ESCO2: variants seen among roughly 807,000 people sequenced by gnomAD.
The protein encoded by ESCO2 is establishment of sister chromatid cohesion N-acetyltransferase 2.
In ESCO2, 51 loss-of-function variants were observed where a neutral mutation model predicts 61.7. The observed-to-expected ratio is 0.83, with a 90% CI of 0.66 to 1.04. The LOEUF is 1.04. ESCO2 is among the 50% of genes least tolerant of loss of function. ESCO2 has a pLI of 0.00. For synonymous variants in ESCO2, 230 were observed against 238.2 expected, an observed-to-expected ratio of 0.97 and a Z score of 0.32; for missense variants, 692 against 686.2, an observed-to-expected ratio of 1.01 and a Z score of -0.09.
At chr8:27,799,813 A>C in intron 10 of ESCO2, 97 bp downstream of exon 10, 4 of 1,368,670 alleles carry the variant, frequency 2.9e-6, no homozygotes, top group Non-Finnish European at 4.2e-6. Flanking sequence ...TTGGTAAGAT[A>C]CTTCAGTATA....
At chr8:27,803,195 C>T in intron 10 of ESCO2, 111 bp from the exon 11 acceptor site, 1 of 940,674 alleles carries the variant, frequency 1.1e-6, no homozygotes, top group Non-Finnish European at 1.7e-6. Flanking sequence ...CATTTTTTCA[C>T]TTACTAAAAA....
At chr8:27,781,183 T>A (rs1804920437) in intron 4 of ESCO2, among the ~76,000 whole-genome samples, 2 of 152,218 alleles carry the variant, frequency 1.3e-5, no homozygotes, top group Non-Finnish European at 2.9e-5. Context: ...GTTTATCATT[T>A]AATTCTCCCT....
intron 4 of ESCO2, 77 bp from the exon 5 acceptor site, chr8:27,783,923 T>G: frequency 7.6e-7 from 1 of 1,310,590 alleles, no homozygotes; most frequent in Non-Finnish European, 1.1e-6. Context: ...TTTTGTCTTA[T>G]TAACCTTTGA....
rs78885892 is a variant in ESCO2, at chr8:27,787,586, C to T, written c.1014-299C>T. On this transcript the variant is annotated intron_variant, in intron 5 of 10. Transcript: ENST00000305188. Reference sequence around the variant, plus strand: ...TTTTTTTAAAGGGCAAAGTCAATTTCCAAAGTGTGCATCTATGTGCATCTG... The same window carrying T: ...TTTTTTTAAAGGGCAAAGTCAATTTTCAAAGTGTGCATCTATGTGCATCTG... Among the ~76,000 whole-genome samples, 25 of 152,226 alleles carry T rather than the reference C, an allele frequency of 1.6e-4. No individual in the cohort carries two copies. In the East Asian group the frequency reaches 4.8e-3, roughly 29 times the overall value.
intron 10 of ESCO2, among the ~76,000 whole-genome samples, chr8:27,800,288 A>C (rs1805395737): frequency 6.6e-6 from 1 of 152,230 alleles, no homozygotes; most frequent in Non-Finnish European, 1.5e-5. Flanking sequence ...TAACACAATA[A>C]AAAGACAACC....
At chr8:27,816,363 T>TTA (rs1805813468), downstream of ESCO2, among the ~76,000 whole-genome samples, 2 of 122,772 alleles carry the variant, frequency 1.6e-5, no homozygotes, top group South Asian at 2.6e-4. Context: ...ATATATTTAT[T>TTA]TATTTATTTA....
chr8:27,781,253 C>CT (rs776509734), intron 4 of ESCO2, among the ~76,000 whole-genome samples: 1 of 151,320 alleles, frequency 6.6e-6, no homozygotes, highest in Non-Finnish European at 1.5e-5. Context: ...GGTTAAGTAA[C>CT]TTACCAATAG....
At chr8:27,808,299 G>C (rs764941442), downstream of ESCO2, 8 of 901,296 alleles carry the variant, frequency 8.9e-6, no homozygotes, top group Non-Finnish European at 1.2e-5. Flanking sequence ...CAAGCTCCTG[G>C]AGGCTTCTAC....
chr8:27,794,649 T>G (rs1352126379), intron 9 of ESCO2, among the ~76,000 whole-genome samples: 5 of 152,214 alleles, frequency 3.3e-5, no homozygotes, highest in Admixed American at 3.3e-4. Context: ...AAAAAATTAT[T>G]GCCCAGACCG....
At chr8:27,777,394 T>G in intron 3 of ESCO2, 1 of 328,926 alleles carries the variant, frequency 3.0e-6, no homozygotes, top group Non-Finnish European at 5.5e-6. Flanking sequence ...CTCAACCTCC[T>G]AGGCTCAAGC....
In ESCO2 at chr8:27,788,066, G is replaced by C. The variant is rs1443011446; in HGVS notation, c.1131+64G>C. 6 of 1,106,910 alleles carry C rather than the reference G, an allele frequency of 5.4e-6. No homozygotes were observed. In the East Asian group the frequency reaches 9.4e-5, roughly 17 times the overall value. 68.6% of individuals were successfully genotyped at this position (1,106,910 alleles called of 1,614,324 possible). On this transcript the variant is annotated intron_variant, in intron 6 of 10. Transcript: ENST00000305188. The stretch of plus-strand genomic sequence containing the variant: ...TTTGCAGAAAAGCTTGCCAACCCCT[G>C]TATTAGACAGTTCAGAACTTGGTAT...
At chr8:27,816,582 T>C (rs549497421), downstream of ESCO2, among the ~76,000 whole-genome samples, 60 of 151,904 alleles carry the variant, frequency 3.9e-4, no homozygotes, top group Admixed American at 3.9e-3. Flanking sequence ...TTCACTGTGT[T>C]AGCCAGGATG....
At chr8:27,776,306 T>C in intron 2 of ESCO2, 56 bp from the exon 3 acceptor site, 1 of 1,431,880 alleles carries the variant, frequency 7.0e-7, no homozygotes, top group Non-Finnish European at 9.6e-7. Context: ...AGCAGTAGAT[T>C]TATGTAAATT....
At chr8:27,775,791 G>GT (rs1804776609) in intron 2 of ESCO2, among the ~76,000 whole-genome samples, 1 of 152,150 alleles carries the variant, frequency 6.6e-6, no homozygotes, top group East Asian at 1.9e-4. Context: ...TTTAGTTTTT[G>GT]TTTTTTTCTT....
downstream of ESCO2, among the ~76,000 whole-genome samples, chr8:27,809,159 C>A (rs1805620420): frequency 6.6e-6 from 1 of 152,108 alleles, no homozygotes; most frequent in South Asian, 2.1e-4. Flanking sequence ...TGACACATGT[C>A]AGAGTGAGGA....
At chr8:27,808,847 G>C (rs1805615723), downstream of ESCO2, among the ~76,000 whole-genome samples, 1 of 152,174 alleles carries the variant, frequency 6.6e-6, no homozygotes, top group Non-Finnish European at 1.5e-5. Context: ...ATCTTGTGTT[G>C]AGGATTTCTA....
chr8:27,788,824 C>G, intron 6 of ESCO2, 23 bp from the exon 7 acceptor site: 1 of 1,613,642 alleles, frequency 6.2e-7, no homozygotes, highest in Non-Finnish European at 8.5e-7. Flanking sequence ...AAATGGGTTT[C>G]TTTTTTTACC....
At chr8:27,813,697 C>T (rs981709624), downstream of ESCO2, among the ~76,000 whole-genome samples, 2 of 151,974 alleles carry the variant, frequency 1.3e-5, no homozygotes, top group East Asian at 1.9e-4. Flanking sequence ...ACAAAGGGCA[C>T]GAAGCTTCCA....
At chr8:27,802,538 C>T (rs76883996) in intron 10 of ESCO2, among the ~76,000 whole-genome samples, 22,066 of 128,950 alleles carry the variant, frequency 0.17, 2,193 homozygotes, top group East Asian at 0.42. Flanking sequence ...ACCCGGGAGG[C>T]GGAGGTTTGT....
Sources: gnomAD v4.1 joint callset for allele counts (sites outside exome capture counted in the v4.1 genomes callset) on GRCh38, gnomAD v4.1.1 for gene constraint, MANE v1.5 for transcripts, NCBI Gene and HGNC (gene_info 2026-07-23, HGNC 2026-07-21) for gene names.